The following PPCDC variants were observed in gnomAD, a reference collection of about 807,000 sequenced individuals.
The protein encoded by PPCDC is phosphopantothenoylcysteine decarboxylase.
In PPCDC, 20 loss-of-function variants were observed where a neutral mutation model predicts 20.7. That is an observed-to-expected ratio of 0.97 (90% confidence interval 0.68 to 1.41). The LOEUF (loss-of-function observed/expected upper bound fraction) is 1.41, where lower values mean the gene tolerates loss of function less well. PPCDC is among the 40% of genes most tolerant of loss of function. The pLI is 0.00. For missense variants in PPCDC, 246 were observed against 263.8 expected (o/e 0.93, Z 0.47); for synonymous variants, 88 against 100.3 (o/e 0.88, Z 0.73).
rs771696760 is a variant in PPCDC, at chr15:75,044,538, G to A, written c.360+24G>A. 31 of 1,608,318 alleles carry A rather than the reference G, an allele frequency of 1.9e-5. No individual in the cohort carries two copies. The South Asian group carries it at 2.4e-4, about 13-fold the overall frequency. On this transcript the variant is annotated intron_variant, in intron 4 of 5. Coordinates refer to ENST00000342932, the MANE Select transcript of PPCDC (RefSeq NM_021823.5). ...TTGTGAGTGATGTCCTGGTGCCCTC[G>A]TCCGTCCCTGGGCCTCACACCCAGT...
chr15:75,039,661 T>G (rs35736167), intron 2 of PPCDC, among the ~76,000 whole-genome samples: 47,206 of 152,094 alleles, frequency 0.31, 8,490 homozygotes, highest in East Asian at 0.6. Context: ...AATCTAATCT[T>G]ATCTTGTAGG....
At chr15:75,048,117 G>A (rs892069145) in intron 4 of PPCDC, among the ~76,000 whole-genome samples, 4 of 152,194 alleles carry the variant, frequency 2.6e-5, no homozygotes, top group Admixed American at 6.5e-5. Context: ...TTTTGGTAAC[G>A]GCAGATGTTT....
chr15:75,034,170 G>GGAGT (rs1436456557), intron 2 of PPCDC, among the ~76,000 whole-genome samples: 1 of 152,132 alleles, frequency 6.6e-6, no homozygotes, highest in Non-Finnish European at 1.5e-5. Flanking sequence ...GGCCTTCCAG[G>GGAGT]GAGTGAGTGA....
At chr15:75,031,957 G>A (rs2141479170) in intron 2 of PPCDC, among the ~76,000 whole-genome samples, 1 of 152,278 alleles carries the variant, frequency 6.6e-6, no homozygotes, top group South Asian at 2.1e-4. Context: ...AATAAAAGAT[G>A]CCTCAGCAGA....
chr15:75,028,726 A>G (rs1394514135), intron 2 of PPCDC, among the ~76,000 whole-genome samples: 1 of 152,130 alleles, frequency 6.6e-6, no homozygotes, highest in Non-Finnish European at 1.5e-5. Flanking sequence ...GCTCCCATAC[A>G]TTAACCCTGA....
chr15:75,025,910 A>T (rs1240412056), intron 1 of PPCDC, among the ~76,000 whole-genome samples: 1 of 152,144 alleles, frequency 6.6e-6, no homozygotes, highest in Non-Finnish European at 1.5e-5. Flanking sequence ...TCCACTTTCT[A>T]TTCTTCAAGT....
At chr15:75,025,544 G>T (rs2065950232) in intron 1 of PPCDC, among the ~76,000 whole-genome samples, 1 of 152,190 alleles carries the variant, frequency 6.6e-6, no homozygotes, top group African/African-American at 2.4e-5. Flanking sequence ...GTCTGTCCCT[G>T]TCTTTCTGGA....
chr15:75,038,914 AT>A (rs1445576181), intron 2 of PPCDC, among the ~76,000 whole-genome samples: 1 of 150,030 alleles, frequency 6.7e-6, no homozygotes, highest in Non-Finnish European at 1.5e-5. Flanking sequence ...CTTGTGTTGA[AT>A]TTTTTATTTC....
intron 3 of PPCDC, among the ~76,000 whole-genome samples, chr15:75,043,941 A>G (rs183439855): frequency 6.6e-6 from 1 of 152,222 alleles, no homozygotes; most frequent in African/African-American, 2.4e-5. Context: ...CTGATTCACC[A>G]GACGCTGAGT....
intron 2 of PPCDC, among the ~76,000 whole-genome samples, chr15:75,037,176 A>G (rs367658341): frequency 6.6e-6 from 1 of 152,218 alleles, no homozygotes; most frequent in African/African-American, 2.4e-5. Flanking sequence ...GAAATGAAAG[A>G]TGGTGGTCCC....
rs143717725 is a variant in PPCDC, at chr15:75,042,345, G to A, written c.136-1096G>A. On this transcript the variant is annotated intron_variant, in intron 2 of 5. Coordinates refer to ENST00000342932, the MANE Select transcript of PPCDC (RefSeq NM_021823.5). ...CTGGGCCCCTGTACTTTGCCAGCTC[G>A]TTAGTCTAAAATCTTGTTTTACAGG... Among the ~76,000 whole-genome samples, 33 of 152,184 alleles carry A rather than the reference G, an allele frequency of 2.2e-4. 1 individual carries two copies. The highest frequency in any genetic ancestry group is 7.9e-4 in the African/African-American group (33 of 41,512).
chr15:75,034,309 T>C (rs1456856536), intron 2 of PPCDC, among the ~76,000 whole-genome samples: 1 of 152,146 alleles, frequency 6.6e-6, no homozygotes, highest in African/African-American at 2.4e-5. Context: ...ATTTGTGGAT[T>C]CCTATCTTGG....
chr15:75,050,421 A>T lies in PPCDC; in HGVS notation c.*1186A>T, dbSNP rs1253343330. 1 of 152,356 alleles carries T rather than the reference A, an allele frequency of 6.6e-6. No homozygotes were observed. The highest frequency in any genetic ancestry group is 1.9e-4 in the East Asian group (1 of 5,190). The allele number at this position is 152,356 out of a possible 1,614,324, so 9.4% of individuals were successfully genotyped here. A position where few individuals can be genotyped will look rare whatever the true frequency, so the allele number is the denominator to read the frequency against. On this transcript the variant is annotated 3_prime_UTR_variant, in exon 6 of 6. Transcript: ENST00000342932. ...CACTCTGGCCCAGAAACCCTCTGCT[A>T]CCCAGCTTTTGACTTAATTGCCATT...
intron 1 of PPCDC, among the ~76,000 whole-genome samples, chr15:75,024,365 T>G (rs1435886728): frequency 1.3e-5 from 2 of 152,162 alleles, no homozygotes; most frequent in East Asian, 3.8e-4. Context: ...TTTTTTTTTT[T>G]GAGACAAGGT....
At chr15:75,037,564 T>C (rs941416613) in intron 2 of PPCDC, among the ~76,000 whole-genome samples, 3 of 152,052 alleles carry the variant, frequency 2.0e-5, no homozygotes. Context: ...CTGGCCAACA[T>C]GGTGAAATCC....
At chr15:75,046,225 A>G (rs1171238776) in intron 4 of PPCDC, among the ~76,000 whole-genome samples, 1 of 152,226 alleles carries the variant, frequency 6.6e-6, no homozygotes, top group Non-Finnish European at 1.5e-5. Flanking sequence ...CAAAAAAACA[A>G]AAAGGCTTCC....
intron 2 of PPCDC, among the ~76,000 whole-genome samples, chr15:75,040,985 C>T (rs1013067530): frequency 6.6e-6 from 1 of 152,132 alleles, no homozygotes; most frequent in African/African-American, 2.4e-5. Context: ...AATGCTTTAT[C>T]ATATATTCTC....
rs1485167426 is a variant in PPCDC at position 75,044,403 on chromosome 15, T to C, written c.249T>C (p.Ser83=). 1.2e-6 allele frequency: 2 copies of C among 1,614,090 alleles called. No individual in the cohort carries two copies. Among genetic ancestry groups the C allele is most frequent in the Non-Finnish European group, 8.5e-7 (1 of 1,179,976 alleles). ...TCTGCCAGATATGGAAGAGCCGCTCTGACCCAGTTCTGCACATTGACCTGC... is the reference window on the plus strand; with the variant it reads ...TCTGCCAGATATGGAAGAGCCGCTCCGACCCAGTTCTGCACATTGACCTGC... The part of the protein sequence containing the change: ...ADEWEIWKSR[S]DPVLHIDLRR... The change falls in exon 4 of 6, where the codon TCT becomes TCC. Residue 83 remains serine (S), a synonymous_variant. Transcript: ENST00000342932.
At chr15:75,041,993 G>C (rs1040232565) in intron 2 of PPCDC, among the ~76,000 whole-genome samples, 1 of 152,228 alleles carries the variant, frequency 6.6e-6, no homozygotes, top group Admixed American at 6.5e-5. Flanking sequence ...CTCTCACGTA[G>C]GAATGTGTGT....
Sources: allele counts gnomAD v4.1 joint callset (sites outside exome capture counted in the v4.1 genomes callset), GRCh38; gene constraint gnomAD v4.1.1; transcripts MANE v1.5; gene names NCBI Gene and HGNC (gene_info 2026-07-23, HGNC 2026-07-21).